CSNK1G1: variants seen among roughly 807,000 people sequenced by gnomAD.
CSNK1G1 encodes casein kinase I isoform gamma-1.
In CSNK1G1, 22 loss-of-function variants were observed where a neutral mutation model predicts 59.6. The observed-to-expected ratio is 0.37, with a 90% CI of 0.26 to 0.53. The LOEUF (loss-of-function observed/expected upper bound fraction) is 0.53, where lower values mean the gene tolerates loss of function less well. Ranked by LOEUF, CSNK1G1 falls within the 20% of genes least tolerant of loss-of-function variation. The pLI is 0.89. For missense variants in CSNK1G1, 384 were observed against 519.5 expected (o/e 0.74, Z 2.54); for synonymous variants, 179 against 177.1 (o/e 1.01, Z -0.08).
At chr15:64,315,142 G>A (rs558322892) in intron 1 of CSNK1G1, among the ~76,000 whole-genome samples, 67 of 152,094 alleles carry the variant, frequency 4.4e-4, no homozygotes, top group South Asian at 1.2e-3. Context: ...GTATTGGTGC[G>A]GATGAGAAGA....
At chr15:64,269,690 T>C (rs1370148818) in intron 2 of CSNK1G1, among the ~76,000 whole-genome samples, 1 of 152,034 alleles carries the variant, frequency 6.6e-6, no homozygotes, top group Non-Finnish European at 1.5e-5. Context: ...GACAGGGTTT[T>C]GCCATGTTGG....
rs146994897 is a variant in CSNK1G1, at chr15:64,214,675, A to T, written c.445-551T>A. ...GAAACAGTTCATTATTATTATTATT[A>T]TTTTTGAGACGGAGTCTTGCTCTGT... On this transcript the variant is annotated intron_variant, in intron 5 of 11. Coordinates refer to ENST00000303052, the MANE Select transcript of CSNK1G1 (RefSeq NM_022048.5). This position sits in a 1 kb window ranked among gnomAD's most constrained non-coding sequence, Gnocchi z 4.3. 0.012 allele frequency among the ~76,000 whole-genome samples: 1,883 copies of T among 152,084 alleles called. 29 individuals are homozygous for T. The highest frequency in any genetic ancestry group is 0.044 in the African/African-American group (1,820 of 41,490).
At chr15:64,342,626 T>TA (rs1453253492) in intron 1 of CSNK1G1, 1 of 152,218 alleles carries the variant, frequency 6.6e-6, no homozygotes, top group Non-Finnish European at 1.5e-5. Context: ...CATCCAGGGA[T>TA]AAAGCAACCC....
At chr15:64,323,234 G>C (rs1419388247) in intron 1 of CSNK1G1, among the ~76,000 whole-genome samples, 1 of 151,972 alleles carries the variant, frequency 6.6e-6, no homozygotes, top group African/African-American at 2.4e-5. Context: ...GCCTCCTCTT[G>C]CTTTTGTGTG....
intron 1 of CSNK1G1, among the ~76,000 whole-genome samples, chr15:64,338,694 C>T (rs530823280): frequency 1.3e-4 from 8 of 61,190 alleles, no homozygotes; most frequent in African/African-American, 4.8e-4. Flanking sequence ...GAGTGAAACT[C>T]GGTCTCAAAA....
intron 2 of CSNK1G1, among the ~76,000 whole-genome samples, chr15:64,293,181 TG>T (rs1894836144): frequency 6.6e-6 from 1 of 152,210 alleles, no homozygotes; most frequent in African/African-American, 2.4e-5. Context: ...CATCCCATCA[TG>T]TCCTCCTACC....
At position 64,166,383 on chromosome 15, in the gene CSNK1G1, A is replaced by G; in HGVS notation, c.*5548T>C. Reference sequence around the variant, plus strand: ...CTGTTATTTTTTTTCTCTGCTTGATAAAATGGGGCTCATTCCTAAAGCCAG... The same window carrying G: ...CTGTTATTTTTTTTCTCTGCTTGATGAAATGGGGCTCATTCCTAAAGCCAG... On this transcript the variant is annotated 3_prime_UTR_variant, in exon 12 of 12. Coordinates refer to ENST00000303052, the MANE Select transcript of CSNK1G1 (RefSeq NM_022048.5). The surrounding 1 kb of genome is among the most constrained non-coding windows in gnomAD (Gnocchi z 4.5). The G allele has an allele frequency of 5.8e-6, 1 of 172,124 alleles. No individual in the cohort carries two copies. The highest frequency in any genetic ancestry group is 1.2e-5 in the Non-Finnish European group (1 of 81,316). The allele number at this position is 172,124 out of a possible 1,614,324, so 10.7% of individuals were successfully genotyped here.
intron 2 of CSNK1G1, among the ~76,000 whole-genome samples, chr15:64,262,059 A>T (rs1347543992): frequency 6.6e-6 from 1 of 152,154 alleles, no homozygotes; most frequent in East Asian, 1.9e-4. Flanking sequence ...ACCTGATAAG[A>T]TCTGTGATTT....
chr15:64,253,852 C>G (rs959143451), intron 3 of CSNK1G1, among the ~76,000 whole-genome samples: 5 of 152,054 alleles, frequency 3.3e-5, no homozygotes, highest in African/African-American at 1.2e-4. Flanking sequence ...ATATTAAGTA[C>G]CCAGTAGCCA....
At position 64,321,239 on chromosome 15, in the gene CSNK1G1, C is replaced by T. The variant is rs1463924811; in HGVS notation, c.-224-20516G>A. Among the ~76,000 whole-genome samples, 4 of 150,780 alleles carry T rather than the reference C, an allele frequency of 2.7e-5. No homozygotes were observed. In the East Asian group the frequency reaches 7.7e-4, roughly 29 times the overall value. On this transcript the variant is annotated intron_variant, in intron 1 of 11. Coordinates refer to ENST00000303052, the MANE Select transcript of CSNK1G1 (RefSeq NM_022048.5). ...TATTACCCACTGAAATAAAAAAAAG[C>T]ATTTTTTTTCTTTTTTTCCTTTTTT...
intron 1 of CSNK1G1, among the ~76,000 whole-genome samples, chr15:64,326,764 G>C (rs1315988325): frequency 6.6e-6 from 1 of 151,690 alleles, no homozygotes; most frequent in African/African-American, 2.4e-5. Flanking sequence ...CTGAGGTACC[G>C]GGTTCATCTC....
At chr15:64,287,304 G>A (rs1361668132) in intron 2 of CSNK1G1, among the ~76,000 whole-genome samples, 2 of 152,092 alleles carry the variant, frequency 1.3e-5, no homozygotes, top group African/African-American at 4.8e-5. Flanking sequence ...TACTTTTGTT[G>A]ATCTGGACTT....
chr15:64,290,502 T>C (rs948164275), intron 2 of CSNK1G1, among the ~76,000 whole-genome samples: 6 of 152,088 alleles, frequency 3.9e-5, no homozygotes, highest in African/African-American at 1.4e-4. Context: ...AAATGCATGC[T>C]TTCACTTATA....
In CSNK1G1 at chr15:64,352,541, G is replaced by A. The variant is rs1206696912; in HGVS notation, c.-225+3447C>T. On this transcript the variant is annotated intron_variant, in intron 1 of 11. Coordinates refer to ENST00000303052, the MANE Select transcript of CSNK1G1 (RefSeq NM_022048.5). ...GCTCACCGCAACCTCCACCTCCCGG[G>A]TTCAAGCGATTCTCTTGCCTCAGCC... Among the ~76,000 whole-genome samples the A allele has an allele frequency of 3.0e-5, 4 of 131,444 alleles. No homozygotes were observed. In the East Asian group the frequency reaches 1.1e-3, roughly 35 times the overall value. The allele number at this position is 131,444 out of a possible 152,430, so 86.2% of individuals were successfully genotyped here. A position where few individuals can be genotyped will look rare whatever the true frequency, so the allele number is the denominator to read the frequency against.
intron 4 of CSNK1G1, among the ~76,000 whole-genome samples, chr15:64,247,606 CAATGTGGAAG>C (rs1417545202): frequency 3.3e-5 from 5 of 152,162 alleles, no homozygotes; most frequent in Non-Finnish European, 7.3e-5. Flanking sequence ...AAAGCAGAGA[CAATGTGGAAG>C]ACCTCCAACC....
rs1285324070 is a variant in CSNK1G1 at position 64,170,445 on chromosome 15, G to C, written c.*1486C>G. ...ACAATCTTTCCCTCCTTTTAAATGC[G>C]GCCCCATATACTGCATCCTAAGCCT... On this transcript the variant is annotated 3_prime_UTR_variant, in exon 12 of 12. Coordinates refer to ENST00000303052, the MANE Select transcript of CSNK1G1 (RefSeq NM_022048.5). The C allele has an allele frequency of 1.3e-5, 2 of 152,584 alleles. No homozygotes were observed. Among genetic ancestry groups the C allele is most frequent in the African/African-American group, 4.8e-5 (2 of 41,400 alleles). 9.5% of individuals were successfully genotyped at this position (152,584 alleles called of 1,614,324 possible).
chr15:64,263,271 C>A (rs1892796333), intron 2 of CSNK1G1, among the ~76,000 whole-genome samples: 1 of 151,416 alleles, frequency 6.6e-6, no homozygotes, highest in African/African-American at 2.4e-5. Flanking sequence ...TCATTGCAAC[C>A]TTTGCCTCCA....
intron 11 of CSNK1G1, among the ~76,000 whole-genome samples, chr15:64,179,420 A>G (rs1325095687): frequency 6.6e-6 from 1 of 151,580 alleles, no homozygotes; most frequent in East Asian, 1.9e-4. Context: ...GGGGCTCATG[A>G]GACTACTTAG....
At chr15:64,346,422 TTTTATTTATTTATTTATTTATTTA>T (rs140857936) in intron 1 of CSNK1G1, among the ~76,000 whole-genome samples, 207 of 137,510 alleles carry the variant, frequency 1.5e-3, no homozygotes, top group South Asian at 4.0e-3. Context: ...GGAAACGAGT[TTTTATTTATTTATTTATTTATTTA>T]TTTATTTATT....
Sources: allele counts gnomAD v4.1 joint callset (sites outside exome capture counted in the v4.1 genomes callset), GRCh38; gene constraint gnomAD v4.1.1; non-coding constraint Gnocchi (gnomAD v3.1); transcripts MANE v1.5; gene names NCBI Gene and HGNC (gene_info 2026-07-23, HGNC 2026-07-21).